SLC39A11: variants seen among roughly 807,000 people sequenced by gnomAD.
SLC39A11 encodes the protein solute carrier family 39 member 11.
Under a neutral mutation model 36.1 loss-of-function variants are expected in SLC39A11, and 33 were observed. That is an observed-to-expected ratio of 0.91 (90% CI 0.69 to 1.22). The LOEUF is 1.22. Ranked by LOEUF, SLC39A11 falls within the 50% of genes most tolerant of loss-of-function variation. The pLI, the probability that SLC39A11 is intolerant of heterozygous loss-of-function variation, is 0.00. For missense variants in SLC39A11, 432 were observed against 430.3 expected, an observed-to-expected ratio of 1.00 and a Z score of -0.03; for synonymous variants, 166 against 170.3, an observed-to-expected ratio of 0.97 and a Z score of 0.20.
At chr17:72,957,363 T>C (rs978920201) in intron 4 of SLC39A11, among the ~76,000 whole-genome samples, 1 of 152,158 alleles carries the variant, frequency 6.6e-6, no homozygotes, top group African/African-American at 2.4e-5. Flanking sequence ...TTGTGTGTAA[T>C]ATGAGGAACC....
At chr17:72,776,611 A>AAAC (rs1491191959) in intron 6 of SLC39A11, among the ~76,000 whole-genome samples, 2 of 17,796 alleles carry the variant, frequency 1.1e-4, no homozygotes, top group Non-Finnish European at 4.9e-4. Flanking sequence ...CTTTGCATGG[A>AAAC]AAAAAAAAAA....
chr17:72,914,436 T>C (rs181985861), intron 5 of SLC39A11, among the ~76,000 whole-genome samples: 12 of 152,230 alleles, frequency 7.9e-5, no homozygotes, highest in Admixed American at 5.2e-4. Flanking sequence ...ATAAGTAACC[T>C]AGAGATGACT....
intron 7 of SLC39A11, among the ~76,000 whole-genome samples, chr17:72,676,867 C>T (rs923841105): frequency 2.0e-5 from 3 of 152,162 alleles, no homozygotes; most frequent in South Asian, 2.1e-4. Context: ...CAGTATTGTG[C>T]GTGTGCCGTC....
chr17:73,047,990 A>AAATATATATAT (rs1555693446), intron 3 of SLC39A11, among the ~76,000 whole-genome samples: 1 of 58,698 alleles, frequency 1.7e-5, no homozygotes, highest in Non-Finnish European at 3.0e-5. Context: ...AAAAAAAAAA[A>AAATATATATAT]ATATATATAT....
intron 5 of SLC39A11, among the ~76,000 whole-genome samples, chr17:72,900,690 G>C (rs1323206158): frequency 6.6e-6 from 1 of 152,202 alleles, no homozygotes. Context: ...AGAGGAAATA[G>C]TGGTAAGTAA....
In SLC39A11 at chr17:73,062,079, T is replaced by C. The variant is rs549497674; in HGVS notation, c.147+22729A>G. Among the ~76,000 whole-genome samples, 3 of 152,160 alleles carry C rather than the reference T, an allele frequency of 2.0e-5. No individual in the cohort carries two copies. The South Asian group carries it at 6.2e-4, about 32-fold the overall frequency. ...GAAACAAATTATGGAAAAATAATGGTGTGGCGACTGTTCTAGAATTACTAG... is the reference window on the plus strand; with the variant it reads ...GAAACAAATTATGGAAAAATAATGGCGTGGCGACTGTTCTAGAATTACTAG... On this transcript the variant is annotated intron_variant, in intron 3 of 9. Transcript: ENST00000255559.
chr17:73,038,525 G>A (rs141124398), intron 3 of SLC39A11, among the ~76,000 whole-genome samples: 58 of 144,402 alleles, frequency 4.0e-4, no homozygotes, highest in African/African-American at 1.4e-3. Flanking sequence ...ATGGTGAAAC[G>A]CTTTCTCTAC....
chr17:72,704,595 C>T (rs2072806783), intron 7 of SLC39A11, among the ~76,000 whole-genome samples: 1 of 152,138 alleles, frequency 6.6e-6, no homozygotes, highest in South Asian at 2.1e-4. Flanking sequence ...GTGATGCTGT[C>T]CCTCAAAAAA....
chr17:72,892,839 A>C (rs532790714), intron 5 of SLC39A11, among the ~76,000 whole-genome samples: 1 of 152,330 alleles, frequency 6.6e-6, no homozygotes, highest in South Asian at 2.1e-4. Flanking sequence ...TCCTTCCTCC[A>C]ACTGACTTGT....
At chr17:72,806,868 C>T (rs374146588) in intron 6 of SLC39A11, among the ~76,000 whole-genome samples, 1 of 152,224 alleles carries the variant, frequency 6.6e-6, no homozygotes, top group African/African-American at 2.4e-5. Flanking sequence ...CAGGCGTGAG[C>T]CACCGTGCTC....
At chr17:72,995,201 T>A (rs1194474320) in intron 4 of SLC39A11, among the ~76,000 whole-genome samples, 1 of 152,186 alleles carries the variant, frequency 6.6e-6, no homozygotes, top group Non-Finnish European at 1.5e-5. Flanking sequence ...ATGAGCACAG[T>A]GTGTTTCCCC....
At chr17:72,993,168 G>T (rs1459451394) in intron 4 of SLC39A11, among the ~76,000 whole-genome samples, 2 of 152,152 alleles carry the variant, frequency 1.3e-5, no homozygotes, top group African/African-American at 2.4e-5. Flanking sequence ...CATATCGGGG[G>T]TGCTGACTCA....
intron 5 of SLC39A11, among the ~76,000 whole-genome samples, chr17:72,889,269 C>A (rs1164324081): frequency 2.0e-5 from 3 of 152,128 alleles, no homozygotes; most frequent in Non-Finnish European, 4.4e-5. Flanking sequence ...AATCCCAGCA[C>A]TTTGGGAGGC....
At chr17:72,961,282 A>C (rs549521434) in intron 4 of SLC39A11, among the ~76,000 whole-genome samples, 2 of 152,290 alleles carry the variant, frequency 1.3e-5, no homozygotes, top group Non-Finnish European at 2.9e-5. Flanking sequence ...ACACTTTTAC[A>C]CTGTTGGTGG....
At chr17:72,798,720 G>C (rs1256757638) in intron 6 of SLC39A11, among the ~76,000 whole-genome samples, 2 of 151,888 alleles carry the variant, frequency 1.3e-5, no homozygotes, top group Admixed American at 1.3e-4. Flanking sequence ...ATCTCACCAA[G>C]GGGGCCCCAC....
At chr17:72,996,766 T>G (rs1469259074) in intron 4 of SLC39A11, among the ~76,000 whole-genome samples, 1 of 152,140 alleles carries the variant, frequency 6.6e-6, no homozygotes, top group East Asian at 1.9e-4. Context: ...AAGAAACATA[T>G]ATTTTGGGAG....
chr17:72,855,984 C>T (rs373408783), intron 5 of SLC39A11, among the ~76,000 whole-genome samples: 40 of 151,792 alleles, frequency 2.6e-4, no homozygotes, highest in Middle Eastern at 3.5e-3. Context: ...TTTCAGGTAA[C>T]ACAAATTATT....
intron 3 of SLC39A11, among the ~76,000 whole-genome samples, chr17:73,054,356 T>A (rs147161926): frequency 4.0e-4 from 59 of 147,238 alleles, no homozygotes; most frequent in African/African-American, 1.5e-3. Context: ...CAAGACTCCA[T>A]CTCGAAAAAA....
At chr17:72,780,959 C>G (rs2076296653) in intron 6 of SLC39A11, among the ~76,000 whole-genome samples, 1 of 152,118 alleles carries the variant, frequency 6.6e-6, no homozygotes, top group Non-Finnish European at 1.5e-5. Context: ...TGCATTGCAG[C>G]CTGGGCAACA....
Sources: allele counts gnomAD v4.1 joint callset (sites outside exome capture counted in the v4.1 genomes callset), GRCh38; gene constraint gnomAD v4.1.1; transcripts MANE v1.5; gene names NCBI Gene and HGNC (gene_info 2026-07-23, HGNC 2026-07-21).